The following PCED1B variants were observed in gnomAD, a reference collection of about 807,000 sequenced individuals.
The protein encoded by PCED1B is PC-esterase domain containing 1B.
For synonymous variants in PCED1B, 251 were observed against 246.1 expected (o/e 1.02, Z -0.19); for missense variants, 573 against 573.9 (o/e 1.00, Z 0.02).
At chr12:47,109,929 A>G (rs1212209073) in intron 2 of PCED1B, among the ~76,000 whole-genome samples, 1 of 152,114 alleles carries the variant, frequency 6.6e-6, no homozygotes, top group Non-Finnish European at 1.5e-5. Flanking sequence ...CTTGTAGTAA[A>G]CACCTCTATG....
At chr12:47,091,344 AC>A (rs1938257181) in intron 1 of PCED1B, among the ~76,000 whole-genome samples, 1 of 152,082 alleles carries the variant, frequency 6.6e-6, no homozygotes, top group South Asian at 2.1e-4. Context: ...CTTTTATGAG[AC>A]TTTTGCCCAT....
chr12:47,227,429 T>C (rs1382703248), intron 3 of PCED1B, among the ~76,000 whole-genome samples: 1 of 152,006 alleles, frequency 6.6e-6, no homozygotes, highest in Admixed American at 6.6e-5. Flanking sequence ...CACCTCGGCC[T>C]TCCAAAGTGC....
chr12:47,081,179 T>C (rs903445026), intron 1 of PCED1B, among the ~76,000 whole-genome samples: 3 of 152,158 alleles, frequency 2.0e-5, no homozygotes, highest in African/African-American at 7.2e-5. Flanking sequence ...AATTACTGCC[T>C]TGACAAAAGA....
intron 3 of PCED1B, among the ~76,000 whole-genome samples, chr12:47,232,150 A>G (rs1565617152): frequency 6.6e-6 from 1 of 152,212 alleles, no homozygotes; most frequent in Non-Finnish European, 1.5e-5. Context: ...ACAAATGAAC[A>G]TGCTTGAGTC....
intron 1 of PCED1B, among the ~76,000 whole-genome samples, chr12:47,084,214 C>A (rs1447785593): frequency 6.6e-6 from 1 of 152,130 alleles, no homozygotes; most frequent in Non-Finnish European, 1.5e-5. Context: ...TGAGCAAAAT[C>A]GTCTAACACA....
At chr12:47,132,085 A>C (rs1209755366) in intron 2 of PCED1B, among the ~76,000 whole-genome samples, 1 of 152,196 alleles carries the variant, frequency 6.6e-6, no homozygotes, top group Non-Finnish European at 1.5e-5. Flanking sequence ...TCGAGTGGAA[A>C]CATTGTGATT....
chr12:47,149,467 C>G (rs1282123489), intron 2 of PCED1B, among the ~76,000 whole-genome samples: 2 of 152,182 alleles, frequency 1.3e-5, no homozygotes, highest in African/African-American at 4.8e-5. Flanking sequence ...AGATAACTGT[C>G]TTTTTCAGAC....
At chr12:47,116,062 T>G (rs926694550) in intron 2 of PCED1B, among the ~76,000 whole-genome samples, 7 of 152,242 alleles carry the variant, frequency 4.6e-5, no homozygotes, top group African/African-American at 1.7e-4. Flanking sequence ...TGTTTCATGA[T>G]TTCTATTAGC....
intron 3 of PCED1B, among the ~76,000 whole-genome samples, chr12:47,233,196 C>A (rs990920054): frequency 6.6e-6 from 1 of 152,152 alleles, no homozygotes; most frequent in Admixed American, 6.5e-5. Flanking sequence ...CGTGAGCTGC[C>A]GCGCCCACCA....
chr12:47,179,992 T>C (rs1348616838), intron 2 of PCED1B, among the ~76,000 whole-genome samples: 2 of 152,198 alleles, frequency 1.3e-5, no homozygotes. Context: ...GCAGGTTTGT[T>C]ACATATGCAA....
intron 3 of PCED1B, among the ~76,000 whole-genome samples, 182 bp downstream of exon 3, chr12:47,216,871 T>C (rs1943273984): frequency 6.6e-6 from 1 of 152,088 alleles, no homozygotes; most frequent in South Asian, 2.1e-4. Flanking sequence ...ACAAAAATAT[T>C]AGTGATTGAT....
chr12:47,105,245 G>T (rs972149347), intron 2 of PCED1B, among the ~76,000 whole-genome samples: 21 of 152,104 alleles, frequency 1.4e-4, no homozygotes, highest in Admixed American at 1.4e-3. Flanking sequence ...GAACGCGGTG[G>T]GGGGCGGCGG....
At chr12:47,192,609 T>A (rs1942480391) in intron 2 of PCED1B, among the ~76,000 whole-genome samples, 1 of 152,180 alleles carries the variant, frequency 6.6e-6, no homozygotes. Flanking sequence ...AGAATAAAAG[T>A]GGCAGCCTGG....
intron 2 of PCED1B, among the ~76,000 whole-genome samples, chr12:47,181,426 A>G (rs1942093232): frequency 6.6e-6 from 1 of 151,402 alleles, no homozygotes; most frequent in Non-Finnish European, 1.5e-5. Context: ...CTGGAGTGCA[A>G]TGGTGCAATC....
Position 47,135,534 on chromosome 12 carries a change from G to A in PCED1B, c.-526+31339G>A, listed in dbSNP as rs1592185160. The A allele has an allele frequency of 2.3e-5, 12 of 513,570 alleles. No individual in the cohort carries two copies. In the East Asian group the frequency reaches 6.3e-4, roughly 27 times the overall value. The allele number at this position is 513,570 out of a possible 1,614,324, so 31.8% of individuals were successfully genotyped here. A position where few individuals can be genotyped will look rare whatever the true frequency, so the allele number is the denominator to read the frequency against. On this transcript the variant is annotated intron_variant, in intron 2 of 3. Coordinates refer to ENST00000546455, the MANE Select transcript of PCED1B (RefSeq NM_138371.3). ...GCACTGAGATGATGATGAGCAGAAT[G>A]GTCAGGAGGATGCCCAGAGCCAGGG...
intron 2 of PCED1B, among the ~76,000 whole-genome samples, chr12:47,185,052 G>C (rs1308611009): frequency 1.3e-5 from 2 of 152,100 alleles, no homozygotes; most frequent in Non-Finnish European, 2.9e-5. Context: ...TTGTAAACTT[G>C]TTTCCTCATG....
At chr12:47,165,979 C>A (rs1941532150) in intron 2 of PCED1B, among the ~76,000 whole-genome samples, 1 of 152,124 alleles carries the variant, frequency 6.6e-6, no homozygotes, top group African/African-American at 2.4e-5. Context: ...CTGTTCTTTC[C>A]TCTCATCACA....
intron 2 of PCED1B, among the ~76,000 whole-genome samples, chr12:47,140,242 A>T (rs1052817037): frequency 3.3e-5 from 5 of 152,220 alleles, no homozygotes; most frequent in Admixed American, 2.0e-4. Flanking sequence ...CATCATCCTG[A>T]TCACTGAAAT....
intron 2 of PCED1B, among the ~76,000 whole-genome samples, chr12:47,110,518 A>G (rs1260146812): frequency 1.3e-5 from 2 of 152,222 alleles, no homozygotes. Context: ...ATAAAATATG[A>G]TCTTTTTACT....
Sources: allele counts gnomAD v4.1 joint callset (sites outside exome capture counted in the v4.1 genomes callset), GRCh38; gene constraint gnomAD v4.1.1; transcripts MANE v1.5; gene names NCBI Gene and HGNC (gene_info 2026-07-23, HGNC 2026-07-21).